Variants in FAAH2 observed in about 807,000 individuals in gnomAD.
FAAH2 encodes fatty acid amide hydrolase 2.
A neutral mutation model predicts 36.9 loss-of-function variants in FAAH2; 60 were observed. That is an observed-to-expected ratio of 1.63 (90% CI 1.32 to 2.02). The LOEUF is 2.02. FAAH2 is among the 30% of genes most tolerant of loss of function. The pLI, the probability that FAAH2 is intolerant of heterozygous loss-of-function variation, is 0.00. For synonymous variants in FAAH2, 214 were observed against 143.8 expected (o/e 1.49, Z -3.49); for missense variants, 689 against 397.5 (o/e 1.73, Z -6.23).
Position 57,448,571 on chromosome X carries a change from C to T in FAAH2, c.1276C>T (p.Gln426Ter). ...GCTCAGATATAGCAATGAGAAATAC[C>T]AAAAGTTTAAGGCAGTGGAAGAAAG... is the stretch of plus-strand genomic sequence containing the variant. ...EKLRYSNEKY[Q>*]KFKAVEESLR... Residue 426 changes from glutamine to a stop codon, truncating the protein, a stop_gained, in exon 10 of 11, where the codon CAA (glutamine) becomes TAA (stop). Transcript: ENST00000374900. LOFTEE classifies it high-confidence loss of function. 1 of 1,210,711 alleles carries T rather than the reference C, an allele frequency of 8.3e-7. No individual in the cohort carries two copies. Among genetic ancestry groups the T allele is most frequent in the South Asian group, 1.8e-5 (1 of 56,823 alleles).
chrX:57,467,650 A>C (rs2057076258), intron 10 of FAAH2, among the ~76,000 whole-genome samples: 1 of 111,836 alleles, frequency 8.9e-6, no homozygotes. Context: ...GGCCTGCCTG[A>C]CTCTGTAGAC....
At chrX:57,399,722 C>T (rs749096165) in intron 7 of FAAH2, among the ~76,000 whole-genome samples, 2 of 112,238 alleles carry the variant, frequency 1.8e-5, no homozygotes, top group East Asian at 5.6e-4. Context: ...GATAGGTGTT[C>T]CTTCAGAAGT....
At chrX:57,201,497 T>C in the FAAH2 span, among the ~76,000 whole-genome samples, 54 of 111,672 alleles carry the variant, frequency 4.8e-4, no homozygotes, top group East Asian at 0.015. Context: ...TACTGGTTTC[T>C]TTTGTCTTGT....
At chrX:57,123,856 T>C in the FAAH2 span, among the ~76,000 whole-genome samples, 6 of 112,165 alleles carry the variant, frequency 5.3e-5, no homozygotes, top group Non-Finnish European at 9.4e-5. Context: ...GGTTGTTTGT[T>C]TTTTTCTTGT....
intron 10 of FAAH2, among the ~76,000 whole-genome samples, chrX:57,467,672 G>T (rs1020550372): frequency 8.9e-6 from 1 of 112,038 alleles, no homozygotes; most frequent in Non-Finnish European, 1.9e-5. Flanking sequence ...CCACCTCTGG[G>T]GGCAGGGCAT....
intron 10 of FAAH2, 102 bp downstream of exon 10, chrX:57,448,820 A>G (rs7059676): frequency 1.2e-6 from 1 of 806,143 alleles, no homozygotes; most frequent in African/African-American, 2.1e-5. Flanking sequence ...AGTTTTAAAC[A>G]TGCAGGTATA....
At chrX:57,393,445 C>T (rs1175953587) in intron 7 of FAAH2, 12 of 851,765 alleles carry the variant, frequency 1.4e-5, no homozygotes, top group Admixed American at 1.1e-4. Flanking sequence ...ATCCCGCCTC[C>T]GTCACTACAA....
At chrX:57,291,066 T>C (rs2051964354) in intron 1 of FAAH2, among the ~76,000 whole-genome samples, 1 of 112,386 alleles carries the variant, frequency 8.9e-6, no homozygotes, top group African/African-American at 3.2e-5. Context: ...TTTTTGTTAA[T>C]GATTGATGAA....
chrX:57,180,638 AAAC>A, the FAAH2 span, among the ~76,000 whole-genome samples: 2 of 110,951 alleles, frequency 1.8e-5, no homozygotes, highest in African/African-American at 6.6e-5. Flanking sequence ...CCTGCCAACC[AAAC>A]AACAACAACA....
chrX:57,347,178 C>G (rs1239986887), intron 5 of FAAH2, among the ~76,000 whole-genome samples: 1 of 111,699 alleles, frequency 9.0e-6, no homozygotes, highest in Admixed American at 9.6e-5. Flanking sequence ...ATTATTCTCT[C>G]TCCTCTCTCA....
intron 5 of FAAH2, among the ~76,000 whole-genome samples, chrX:57,342,362 C>T (rs1180339052): frequency 9.0e-6 from 1 of 110,810 alleles, no homozygotes; most frequent in Non-Finnish European, 1.9e-5. Context: ...ACACTGGGGA[C>T]CTTTCAGAGG....
At chrX:57,145,786 T>G in the FAAH2 span, among the ~76,000 whole-genome samples, 1 of 111,878 alleles carries the variant, frequency 8.9e-6, no homozygotes, top group Admixed American at 9.5e-5. Context: ...GGCTTGCCAA[T>G]TATGCCAGCA....
At chrX:57,409,782 C>G (rs2055654770) in intron 7 of FAAH2, among the ~76,000 whole-genome samples, 1 of 109,552 alleles carries the variant, frequency 9.1e-6, no homozygotes, top group South Asian at 3.8e-4. Flanking sequence ...TTATTTGAGT[C>G]TTTTCTATGT....
rs902575485 is a variant in FAAH2 at position 57,286,754 on chromosome X, G to C, written c.-72G>C. 5 of 978,653 alleles carry C rather than the reference G, an allele frequency of 5.1e-6. No homozygotes were observed. Among genetic ancestry groups the C allele is most frequent in the Non-Finnish European group, 6.6e-6 (5 of 754,839 alleles). The allele number at this position is 978,653 out of a possible 1,213,427, so 80.7% of individuals were successfully genotyped here. A position where few individuals can be genotyped will look rare whatever the true frequency, so the allele number is the denominator to read the frequency against. ...AGCTTCATAAGTCCCTCTTTGCTTAGTACTTTTCTCGTCCTTTCCCCAGGG... is the reference window on the plus strand; with the variant it reads ...AGCTTCATAAGTCCCTCTTTGCTTACTACTTTTCTCGTCCTTTCCCCAGGG... On this transcript the variant is annotated 5_prime_UTR_variant, in exon 1 of 11. Transcript: ENST00000374900.
At chrX:57,422,818 A>C (rs1204003701) in intron 7 of FAAH2, among the ~76,000 whole-genome samples, 2 of 112,231 alleles carry the variant, frequency 1.8e-5, no homozygotes, top group African/African-American at 6.5e-5. Flanking sequence ...CCCACCTGAA[A>C]ATAGCAAAAT....
At chrX:57,331,007 G>T (rs1262018530) in intron 3 of FAAH2, among the ~76,000 whole-genome samples, 2 of 110,738 alleles carry the variant, frequency 1.8e-5, no homozygotes, top group Non-Finnish European at 3.8e-5. Context: ...GCTCAGATTG[G>T]ACTGGACCTG....
At chrX:57,376,344 T>C (rs143666162) in intron 5 of FAAH2, among the ~76,000 whole-genome samples, 1 of 111,313 alleles carries the variant, frequency 9.0e-6, no homozygotes, top group East Asian at 2.8e-4. Context: ...CATCAACCAG[T>C]CACCTACCTT....
chrX:57,247,509 G>A, the FAAH2 span, among the ~76,000 whole-genome samples: 1 of 110,480 alleles, frequency 9.1e-6, no homozygotes, highest in African/African-American at 3.3e-5. Context: ...TCTCTTAACA[G>A]CACCAGAGCA....
At chrX:57,233,784 C>T in the FAAH2 span, among the ~76,000 whole-genome samples, 3 of 112,658 alleles carry the variant, frequency 2.7e-5, no homozygotes, top group Non-Finnish European at 3.7e-5. Flanking sequence ...AGATTACAGG[C>T]GTGCGCCACC....
Sources: allele counts gnomAD v4.1 joint callset (sites outside exome capture counted in the v4.1 genomes callset), GRCh38; gene constraint gnomAD v4.1.1; transcripts MANE v1.5; gene names NCBI Gene and HGNC (gene_info 2026-07-23, HGNC 2026-07-21).